SMAD2: variants seen among roughly 807,000 people sequenced by gnomAD.
The protein encoded by SMAD2 is SMAD family member 2.
SMAD2 carries 8 observed loss-of-function variants against 64.4 expected under a neutral mutation model. The observed-to-expected ratio is 0.12, with a 90% confidence interval of 0.07 to 0.22. The LOEUF is 0.22. SMAD2 is among the 10% of genes least tolerant of loss of function. SMAD2 has a pLI of 1.00. For synonymous variants in SMAD2, 203 were observed against 195.8 expected (o/e 1.04, Z -0.31); for missense variants, 289 against 561.2 (o/e 0.51, Z 4.90).
At chr18:47,887,104 C>A (rs1202424709) in intron 2 of SMAD2, among the ~76,000 whole-genome samples, 1 of 152,098 alleles carries the variant, frequency 6.6e-6, no homozygotes, top group African/African-American at 2.4e-5. Context: ...TTAGTGAGCT[C>A]CCTTCCACCA....
At chr18:47,874,485 A>G (rs1344629967) in intron 2 of SMAD2, among the ~76,000 whole-genome samples, 2 of 152,194 alleles carry the variant, frequency 1.3e-5, no homozygotes, top group Non-Finnish European at 2.9e-5. Flanking sequence ...GCATTTGTTG[A>G]ATCTAACTAA....
At chr18:47,847,700 CAAAAAAAAAAA>C (rs58794971) in intron 8 of SMAD2, among the ~76,000 whole-genome samples, 63,042 of 112,074 alleles carry the variant, frequency 0.56, 15,130 homozygotes, top group East Asian at 0.68. Context: ...ATTTCCAAAG[CAAAAAAAAAAA>C]AAAAAAAAAA....
chr18:47,884,179 T>C (rs1400994937), intron 2 of SMAD2, among the ~76,000 whole-genome samples: 5 of 152,302 alleles, frequency 3.3e-5, no homozygotes, highest in Non-Finnish European at 7.3e-5. Context: ...GCCCTCTTGG[T>C]GCATGTAATA....
In SMAD2 at chr18:47,848,262, G is replaced by C. The variant is rs80068663; in HGVS notation, c.997+213C>G. On this transcript the variant is annotated intron_variant, in intron 8 of 10. Coordinates refer to ENST00000262160, the MANE Select transcript of SMAD2 (RefSeq NM_005901.6). ...TTATTGAAGAACTTTCCAGTACCAAGGGTGCCAAATAAAAGTTGAAGAGTT... is the reference window on the plus strand; with the variant it reads ...TTATTGAAGAACTTTCCAGTACCAACGGTGCCAAATAAAAGTTGAAGAGTT... 5.9e-5 allele frequency among the ~76,000 whole-genome samples: 9 copies of C among 152,188 alleles called. No homozygotes were observed. In the East Asian group the frequency reaches 1.7e-3, roughly 29 times the overall value.
At chr18:47,923,198 C>T (rs1028921823) in intron 1 of SMAD2, among the ~76,000 whole-genome samples, 13 of 147,522 alleles carry the variant, frequency 8.8e-5, no homozygotes, top group Non-Finnish European at 1.3e-4. Context: ...AAAAAAGCAC[C>T]TATGACAACA....
rs1912302993 is a variant in SMAD2 at position 47,814,429 on chromosome 18, T to C, written c.*27398A>G. 6.6e-6 allele frequency: 1 copy of C among 152,216 alleles called. No individual in the cohort carries two copies. The highest frequency in any genetic ancestry group is 1.5e-5 in the Non-Finnish European group (1 of 68,036). The allele number at this position is 152,216 out of a possible 1,614,324, so 9.4% of individuals were successfully genotyped here. ...CCATTCACATACTAAAAGCAAAGCT[T>C]GGACAACTGAACATGAGTTTTACTC... On this transcript the variant is annotated 3_prime_UTR_variant, in exon 11 of 11. Coordinates refer to ENST00000262160, the MANE Select transcript of SMAD2 (RefSeq NM_005901.6).
chr18:47,845,278 C>A (rs773889185), intron 10 of SMAD2, 62 bp downstream of exon 10: 1 of 1,436,984 alleles, frequency 7.0e-7, no homozygotes. Context: ...CCAGAATATG[C>A]AAGAATGCAA....
In SMAD2 at chr18:47,927,867, C is replaced by T. The variant is rs1201150690; in HGVS notation, c.-54+2494G>A. Among the ~76,000 whole-genome samples the T allele has an allele frequency of 2.0e-5, 3 of 152,042 alleles. No individual in the cohort carries two copies. In the East Asian group the frequency reaches 5.8e-4, roughly 29 times the overall value. The stretch of plus-strand genomic sequence containing the variant: ...TGAGCCGAGATCGTGCCATTGCACT[C>T]CAGCCTGGGCAACAAGAGTGAACTC... On this transcript the variant is annotated intron_variant, in intron 1 of 10. Transcript: ENST00000262160.
At chr18:47,889,026 C>T (rs1265865446) in intron 2 of SMAD2, among the ~76,000 whole-genome samples, 1 of 151,920 alleles carries the variant, frequency 6.6e-6, no homozygotes. Flanking sequence ...CTTACGTAGG[C>T]TTAACAGACT....
At position 47,896,549 on chromosome 18, in the gene SMAD2, A is replaced by T; in HGVS notation, c.208T>A (p.Cys70Ser). ...ELEKAITTQN[C>S]NTKCVTIPST... ...GGTATGGTAACACATTTAGTATTAC[A>T]GTTTTGAGTGGTGATGGCTTTCTCA... The change falls in exon 2 of 11, where the codon TGT (cysteine) becomes AGT (serine). Residue 70 changes from cysteine to serine, a missense_variant. Transcript: ENST00000262160. The T allele has an allele frequency of 1.2e-6, 2 of 1,614,166 alleles. No homozygotes were observed. Among genetic ancestry groups the T allele is most frequent in the Non-Finnish European group, 1.7e-6 (2 of 1,180,028 alleles).
intron 2 of SMAD2, among the ~76,000 whole-genome samples, chr18:47,888,392 A>G (rs2033018095): frequency 1.3e-5 from 2 of 152,216 alleles, no homozygotes; most frequent in Admixed American, 1.3e-4. Flanking sequence ...GGAATAAAAC[A>G]GTAGAACTTT....
intron 2 of SMAD2, among the ~76,000 whole-genome samples, chr18:47,883,465 GGGTTTAGTATTCTATAAATAT>G (rs1214969746): frequency 6.6e-6 from 1 of 152,076 alleles, no homozygotes; most frequent in East Asian, 1.9e-4. Flanking sequence ...TACTCATGTT[GGGTTTAGTATTCTATAAATAT>G]CACGTAGGTA....
At chr18:47,855,413 G>C (rs2030583751) in intron 6 of SMAD2, among the ~76,000 whole-genome samples, 3 of 152,126 alleles carry the variant, frequency 2.0e-5, no homozygotes, top group Admixed American at 2.0e-4. Flanking sequence ...TAAGAATATA[G>C]TTAGTTTTGT....
At chr18:47,858,992 T>C (rs553685897) in intron 6 of SMAD2, among the ~76,000 whole-genome samples, 2 of 152,078 alleles carry the variant, frequency 1.3e-5, no homozygotes, top group South Asian at 2.1e-4. Flanking sequence ...AAACCAAAAA[T>C]ATGCTGTCCA....
intron 1 of SMAD2, among the ~76,000 whole-genome samples, chr18:47,908,001 A>G (rs1598876768): frequency 6.6e-6 from 1 of 152,228 alleles, no homozygotes. Flanking sequence ...TTACAATTCA[A>G]AAAAATTTAA....
chr18:47,878,250 C>T (rs1179224836), intron 2 of SMAD2: 1 of 152,084 alleles, frequency 6.6e-6, no homozygotes, highest in Non-Finnish European at 1.5e-5. Flanking sequence ...AAACTAATAC[C>T]AAGTCTTCCT....
chr18:47,891,477 T>A (rs1367586396), intron 2 of SMAD2, among the ~76,000 whole-genome samples: 1 of 151,922 alleles, frequency 6.6e-6, no homozygotes, highest in African/African-American at 2.4e-5. Flanking sequence ...TCATGGTTGA[T>A]TTTTCAGTTA....
In SMAD2 at chr18:47,822,169, T is replaced by C. The variant is rs780076743; in HGVS notation, c.*19658A>G. 3 of 152,246 alleles carry C rather than the reference T, an allele frequency of 2.0e-5. No individual in the cohort carries two copies. The highest frequency in any genetic ancestry group is 1.3e-4 in the Admixed American group (2 of 15,286). The allele number at this position is 152,246 out of a possible 1,614,324, so 9.4% of individuals were successfully genotyped here. A position where few individuals can be genotyped will look rare whatever the true frequency, so the allele number is the denominator to read the frequency against. ...GTACGATGCCGTTAGAAATATGTCA[T>C]CAGTCATAATTCTGATTATGCTGTT... On this transcript the variant is annotated 3_prime_UTR_variant, in exon 11 of 11. Coordinates refer to ENST00000262160, the MANE Select transcript of SMAD2 (RefSeq NM_005901.6).
intron 1 of SMAD2, among the ~76,000 whole-genome samples, chr18:47,921,904 GTC>G (rs2034576681): frequency 6.6e-6 from 1 of 152,090 alleles, no homozygotes; most frequent in Non-Finnish European, 1.5e-5. Flanking sequence ...CCTAACTTGT[GTC>G]TGTGTCATTT....
Sources: gnomAD v4.1 joint callset for allele counts (sites outside exome capture counted in the v4.1 genomes callset) on GRCh38, gnomAD v4.1.1 for gene constraint, MANE v1.5 for transcripts, NCBI Gene and HGNC (gene_info 2026-07-23, HGNC 2026-07-21) for gene names.